The following DENND5B variants were observed in gnomAD, a reference collection of about 807,000 sequenced individuals.
The protein encoded by DENND5B is DENN domain-containing protein 5B.
DENND5B carries 34 observed loss-of-function variants against 140.6 expected under a neutral mutation model. The ratio of observed to expected loss-of-function variants is 0.24; its 90% CI spans 0.18 to 0.32. The LOEUF is 0.32. DENND5B is among the 10% of genes least tolerant of loss of function. The probability of loss-of-function intolerance (pLI) is 1.00; values close to 1 mark genes in which losing one functional copy is unlikely to be tolerated. For synonymous variants in DENND5B, 551 were observed against 562.1 expected, an observed-to-expected ratio of 0.98 and a Z score of 0.28; for missense variants, 1,142 against 1,560.2, an observed-to-expected ratio of 0.73 and a Z score of 4.52.
In DENND5B at chr12:31,553,130, T is replaced by C. The variant is rs188274418; in HGVS notation, c.127+37576A>G. 3.4e-3 allele frequency among the ~76,000 whole-genome samples: 516 copies of C among 152,212 alleles called. 2 individuals are homozygous for C. Among genetic ancestry groups the C allele is most frequent in the Non-Finnish European group, 5.8e-3 (396 of 67,988 alleles). ...CTTTTGAATGTGTTTGCTCTTGCTT[T>C]TCTAGTTCTTTTAATTGTGATGTTA... On this transcript the variant is annotated intron_variant, in intron 1 of 20. Coordinates refer to ENST00000389082, the MANE Select transcript of DENND5B (RefSeq NM_144973.4).
At chr12:31,392,576 A>G (rs1180926843) in intron 18 of DENND5B, 38 bp downstream of exon 18, 6 of 1,537,752 alleles carry the variant, frequency 3.9e-6, no homozygotes, top group Non-Finnish European at 5.3e-6. Flanking sequence ...AGCATCTTTA[A>G]AAGTCCCACT....
chr12:31,388,270 T>C (rs924484492), intron 20 of DENND5B, among the ~76,000 whole-genome samples: 35 of 121,210 alleles, frequency 2.9e-4, no homozygotes, highest in African/African-American at 1.0e-3. Context: ...CATAACAGGG[T>C]GAGGAACAAA....
intron 8 of DENND5B, among the ~76,000 whole-genome samples, chr12:31,428,410 T>C (rs1033426294): frequency 2.0e-5 from 3 of 152,188 alleles, no homozygotes; most frequent in Non-Finnish European, 2.9e-5. Context: ...AGAGTTTATT[T>C]TTATTTTTTG....
chr12:31,387,520 C>A lies in DENND5B; in HGVS notation c.*83G>T. 20 of 1,459,660 alleles carry A rather than the reference C, an allele frequency of 1.4e-5. No individual in the cohort carries two copies. Among genetic ancestry groups the A allele is most frequent in the Non-Finnish European group, 1.9e-5 (20 of 1,069,652 alleles). 90.4% of individuals were successfully genotyped at this position (1,459,660 alleles called of 1,614,324 possible). On this transcript the variant is annotated 3_prime_UTR_variant, in exon 21 of 21. Coordinates refer to ENST00000389082, the MANE Select transcript of DENND5B (RefSeq NM_144973.4). Reference sequence around the variant, plus strand: ...ATATGTTTGGCTGCCCCTGCAGTGACTCACTACTGTCAGACAAGTCCAAAT... The same window carrying A: ...ATATGTTTGGCTGCCCCTGCAGTGAATCACTACTGTCAGACAAGTCCAAAT...
rs770951854 is a variant in DENND5B at position 31,480,021 on chromosome 12, A to T, written c.472T>A (p.Leu158Met). 1 of 1,613,906 alleles carries T rather than the reference A, an allele frequency of 6.2e-7. No homozygotes were observed. Among genetic ancestry groups the T allele is most frequent in the Non-Finnish European group, 8.5e-7 (1 of 1,179,882 alleles). The change falls in exon 3 of 21, where the codon TTG becomes ATG. Residue 158 changes from leucine to methionine, a missense_variant. By Grantham distance (15) the Leu-to-Met change is conservative. Around this residue, in one of 5 missense-constraint regions of DENND5B, gnomAD observed 708 missense variants for 905.5 expected, o/e 0.78. Transcript: ENST00000389082. ...YASSSCSMDS[L>M]ASSLDEGDTT... ...TCTCCTTCATCAAGACTACTTGCCA[A>T]TGAGTCCATACTGCAGGAAGATGAA...
intron 1 of DENND5B, among the ~76,000 whole-genome samples, chr12:31,510,458 G>T (rs995854655): frequency 1.3e-5 from 2 of 152,134 alleles, no homozygotes. Flanking sequence ...TAGGACCACA[G>T]GCGCCCGCCA....
At chr12:31,414,587 A>C (rs992956167) in intron 12 of DENND5B, among the ~76,000 whole-genome samples, 3 of 152,132 alleles carry the variant, frequency 2.0e-5, no homozygotes, top group Admixed American at 6.6e-5. Flanking sequence ...TGGGAGGCCG[A>C]GGCGGGAGAA....
chr12:31,569,066 T>TTTG (rs1424413585), intron 1 of DENND5B, among the ~76,000 whole-genome samples: 1 of 144,686 alleles, frequency 6.9e-6, no homozygotes, highest in African/African-American at 2.6e-5. Flanking sequence ...ATACCTTTTT[T>TTTG]TTTTTTTTTT....
intron 1 of DENND5B, among the ~76,000 whole-genome samples, chr12:31,562,562 C>T (rs1365401848): frequency 2.0e-5 from 3 of 151,506 alleles, no homozygotes; most frequent in African/African-American, 7.3e-5. Flanking sequence ...TGCGGTGAGC[C>T]GAGATCGCAC....
intron 1 of DENND5B, among the ~76,000 whole-genome samples, chr12:31,522,834 C>G (rs1947948025): frequency 6.6e-6 from 1 of 152,120 alleles, no homozygotes; most frequent in South Asian, 2.1e-4. Flanking sequence ...AAATACCTTT[C>G]CTTTTTTAGG....
intron 6 of DENND5B, among the ~76,000 whole-genome samples, chr12:31,446,886 C>CAAAAAAA: frequency 1.4e-5 from 1 of 71,352 alleles, no homozygotes; most frequent in Middle Eastern, 8.8e-3. Flanking sequence ...GACTCCGCCT[C>CAAAAAAA]AAAAAAAAAA....
At chr12:31,554,674 C>A (rs1949208992) in intron 1 of DENND5B, among the ~76,000 whole-genome samples, 1 of 152,182 alleles carries the variant, frequency 6.6e-6, no homozygotes, top group African/African-American at 2.4e-5. Flanking sequence ...GTTCCATTCT[C>A]CCCGTCACTT....
chr12:31,495,645 G>C (rs1294496328), intron 2 of DENND5B, among the ~76,000 whole-genome samples, 165 bp downstream of exon 2: 1 of 151,804 alleles, frequency 6.6e-6, no homozygotes, highest in Non-Finnish European at 1.5e-5. Flanking sequence ...CAAAGTGCTG[G>C]GATTACAGGT....
intron 3 of DENND5B, among the ~76,000 whole-genome samples, chr12:31,462,140 A>G (rs1945046775): frequency 6.6e-6 from 1 of 152,178 alleles, no homozygotes; most frequent in South Asian, 2.1e-4. Flanking sequence ...GGGGTCAGTC[A>G]TACGAGCACA....
Position 31,383,011 on chromosome 12 carries a change from C to T in DENND5B, c.*4592G>A, listed in dbSNP as rs1235476078. 1 of 152,102 alleles carries T rather than the reference C, an allele frequency of 6.6e-6. No individual in the cohort carries two copies. The highest frequency in any genetic ancestry group is 1.5e-5 in the Non-Finnish European group (1 of 68,014). The allele number at this position is 152,102 out of a possible 1,614,324, so 9.4% of individuals were successfully genotyped here. ...TATATAAGAAACAGACTTCAAAAGA[C>T]ATGGATGACTTGGAAATAGGATTCA... On this transcript the variant is annotated 3_prime_UTR_variant, in exon 21 of 21. Coordinates refer to ENST00000389082, the MANE Select transcript of DENND5B (RefSeq NM_144973.4).
intron 1 of DENND5B, among the ~76,000 whole-genome samples, chr12:31,580,521 G>T (rs983689805): frequency 6.6e-6 from 1 of 151,786 alleles, no homozygotes; most frequent in Non-Finnish European, 1.5e-5. Context: ...TTGAGACAGG[G>T]TCTCACTCTG....
intron 1 of DENND5B, among the ~76,000 whole-genome samples, chr12:31,496,688 AC>A (rs1418248726): frequency 6.6e-6 from 1 of 151,722 alleles, no homozygotes; most frequent in East Asian, 1.9e-4. Flanking sequence ...ACATGGTGAG[AC>A]CCCGTTTCTT....
At chr12:31,431,410 T>C (rs1023520253) in intron 8 of DENND5B, among the ~76,000 whole-genome samples, 1 of 152,314 alleles carries the variant, frequency 6.6e-6, no homozygotes, top group East Asian at 1.9e-4. Flanking sequence ...CAAGCTGGCA[T>C]GCAGGGTAAA....
intron 1 of DENND5B, among the ~76,000 whole-genome samples, chr12:31,576,564 T>C (rs1950025865): frequency 6.6e-6 from 1 of 151,888 alleles, no homozygotes; most frequent in South Asian, 2.1e-4. Context: ...TGAAGGTAAA[T>C]GGAAGATTCA....
Sources: gnomAD v4.1 joint callset for allele counts (sites outside exome capture counted in the v4.1 genomes callset) on GRCh38, gnomAD v4.1.1 for gene constraint, gnomAD v4.1.1 regional missense constraint, MANE v1.5 for transcripts, NCBI Gene and HGNC (gene_info 2026-07-23, HGNC 2026-07-21) for gene names.